Variants in PATJ observed in about 807,000 individuals in gnomAD.
PATJ encodes PATJ crumbs cell polarity complex component, also known as inaD-like protein.
Under a neutral mutation model 224.9 loss-of-function variants are expected in PATJ, and 190 were observed. The ratio of observed to expected loss-of-function variants is 0.84; its 90% CI spans 0.75 to 0.95. The LOEUF is 0.95. Among genes scored for constraint, PATJ ranks in the 40% least tolerant of loss-of-function variants. The pLI is 0.00. For missense variants in PATJ, 2,121 were observed against 2,270.3 expected, an observed-to-expected ratio of 0.93 and a Z score of 1.34; for synonymous variants, 769 against 820.3, an observed-to-expected ratio of 0.94 and a Z score of 1.07.
At chr1:62,134,958 A>G (rs773732327) in intron 41 of PATJ, among the ~76,000 whole-genome samples, 4 of 151,504 alleles carry the variant, frequency 2.6e-5, no homozygotes, top group Non-Finnish European at 4.4e-5. Context: ...GGAAATGGAA[A>G]AGGTGTGTCA....
intron 25 of PATJ, 23 bp downstream of exon 25, chr1:61,908,505 A>C: frequency 6.7e-7 from 1 of 1,501,426 alleles, no homozygotes; most frequent in East Asian, 2.3e-5. Context: ...TCATATTTTC[A>C]AAAAGTTTAA....
intron 3 of PATJ, among the ~76,000 whole-genome samples, chr1:61,765,622 T>C (rs1246851128): frequency 2.6e-5 from 4 of 152,186 alleles, no homozygotes; most frequent in Non-Finnish European, 4.4e-5. Flanking sequence ...TATTCTACTG[T>C]TTTGGCAGTT....
At chr1:61,974,516 C>A (rs554100900) in intron 27 of PATJ, among the ~76,000 whole-genome samples, 1 of 147,866 alleles carries the variant, frequency 6.8e-6, no homozygotes, top group South Asian at 2.1e-4. Context: ...CAGGTTCAAG[C>A]GATTCTCCTG....
chr1:61,811,935 C>T (rs921546160), intron 14 of PATJ, among the ~76,000 whole-genome samples: 2 of 151,566 alleles, frequency 1.3e-5, no homozygotes, highest in East Asian at 3.9e-4. Context: ...GTGGCGGGCG[C>T]CTGTAGTCCC....
intron 27 of PATJ, among the ~76,000 whole-genome samples, chr1:61,974,969 G>C (rs1488833661): frequency 6.6e-6 from 1 of 151,916 alleles, no homozygotes; most frequent in African/African-American, 2.4e-5. Flanking sequence ...GTTTTTGACA[G>C]AGTTTCATTC....
At chr1:61,759,317 T>C (rs1645828308) in intron 1 of PATJ, among the ~76,000 whole-genome samples, 1 of 152,120 alleles carries the variant, frequency 6.6e-6, no homozygotes, top group Admixed American at 6.5e-5. Flanking sequence ...TGGACACCCC[T>C]GTGGCTGAAG....
At position 61,823,047 on chromosome 1, in the gene PATJ, G is replaced by A; in HGVS notation, c.1786G>A (p.Gly596Ser). Residue 596 changes from glycine (G) to serine (S), a missense_variant, in exon 15 of 44, where the codon GGT becomes AGT. Coordinates refer to ENST00000642238, the MANE Select transcript of PATJ (RefSeq NM_001350145.3). ...TTCTGGTGGTCCTGTTGATACATTG[G>A]GTCTCCTACAGCCAGAAGATGAGCT... ...IVSGGPVDTL[G>S]LLQPEDELLE... 6.2e-7 allele frequency: 1 copy of A among 1,614,002 alleles called. No individual in the cohort carries two copies. Among genetic ancestry groups the A allele is most frequent in the Non-Finnish European group, 8.5e-7 (1 of 1,179,968 alleles).
intron 33 of PATJ, among the ~76,000 whole-genome samples, chr1:62,105,796 C>T (rs995312883): frequency 5.3e-5 from 8 of 151,840 alleles, no homozygotes; most frequent in Middle Eastern, 6.8e-3. Flanking sequence ...AATGAAAGTA[C>T]GGTATTTAGC....
At chr1:61,977,822 A>C (rs1199988241) in intron 27 of PATJ, among the ~76,000 whole-genome samples, 1 of 151,398 alleles carries the variant, frequency 6.6e-6, no homozygotes, top group African/African-American at 2.4e-5. Flanking sequence ...GAGGCTTAGT[A>C]CACTATGATG....
chr1:62,134,387 C>G (rs1057460652), intron 41 of PATJ, among the ~76,000 whole-genome samples: 5 of 145,460 alleles, frequency 3.4e-5, no homozygotes, highest in African/African-American at 1.3e-4. Flanking sequence ...CTCTTGTTGC[C>G]CAGGCTGGAG....
At chr1:62,126,440 A>T (rs565096446) in intron 39 of PATJ, among the ~76,000 whole-genome samples, 1 of 152,176 alleles carries the variant, frequency 6.6e-6, no homozygotes, top group Non-Finnish European at 1.5e-5. Context: ...TTGACTAGAC[A>T]TCTTGATTGT....
At chr1:61,908,519 C>A (rs746653924) in intron 25 of PATJ, 37 bp downstream of exon 25, 1 of 1,302,518 alleles carries the variant, frequency 7.7e-7, no homozygotes, top group South Asian at 1.2e-5. Flanking sequence ...AGTTTAACAA[C>A]ACTCTGTATA....
chr1:62,149,147 A>G (rs1202705991), intron 42 of PATJ, among the ~76,000 whole-genome samples: 1 of 144,786 alleles, frequency 6.9e-6, no homozygotes, highest in Non-Finnish European at 1.5e-5. Flanking sequence ...AAAAAAAAAA[A>G]GAGGAGTAAT....
chr1:61,865,656 T>C (rs1411881325), intron 20 of PATJ: 1 of 152,240 alleles, frequency 6.6e-6, no homozygotes, highest in Non-Finnish European at 1.5e-5. Flanking sequence ...TTAAGGACTT[T>C]AAAAAATATT....
chr1:61,752,311 C>CTTTTTTTTTTTTTTTTT (rs370759266), intron 1 of PATJ, among the ~76,000 whole-genome samples: 1 of 124,016 alleles, frequency 8.1e-6, no homozygotes, highest in Non-Finnish European at 1.6e-5. Flanking sequence ...TCATTTCTTT[C>CTTTTTTTTTTTTTTTTT]TTTTTTTTTT....
At chr1:62,000,827 G>C (rs1358595184) in intron 28 of PATJ, among the ~76,000 whole-genome samples, 6 of 151,190 alleles carry the variant, frequency 4.0e-5, no homozygotes, top group Non-Finnish European at 8.8e-5. Context: ...GTGTAAAAGT[G>C]TTCCTATTTC....
chr1:62,124,523 G>T (rs1005829569), intron 39 of PATJ, among the ~76,000 whole-genome samples: 16 of 152,210 alleles, frequency 1.1e-4, no homozygotes, highest in African/African-American at 3.6e-4. Context: ...TGATACCTCT[G>T]TTTGAAGGCA....
In PATJ at chr1:62,086,979, C is replaced by G. The variant is rs1031707573; in HGVS notation, c.4377+2331C>G. ...CCTCCGTCGTCCGTGGACAGCGGTA[C>G]GTTATCAGCTCAGTGGGCCCCTTGC... On this transcript the variant is annotated intron_variant, in intron 33 of 43. Transcript: ENST00000642238. This position sits in a 1 kb window ranked among gnomAD's most constrained non-coding sequence, Gnocchi z 4.0. 3.3e-5 allele frequency among the ~76,000 whole-genome samples: 5 copies of G among 152,092 alleles called. No homozygotes were observed. The highest frequency in any genetic ancestry group is 1.2e-4 in the African/African-American group (5 of 41,428).
chr1:62,045,984 T>C lies in PATJ; in HGVS notation c.4033-4982T>C, dbSNP rs1056540163. 3.9e-5 allele frequency among the ~76,000 whole-genome samples: 6 copies of C among 152,036 alleles called. No homozygotes were observed. The South Asian group carries it at 1.2e-3, about 32-fold the overall frequency. ...GGGAGGCTAGGACCGAAGGAGTGCT[T>C]GAGCTCAGGAATTCAAGACCAGCCA... On this transcript the variant is annotated intron_variant, in intron 30 of 43. Coordinates refer to ENST00000642238, the MANE Select transcript of PATJ (RefSeq NM_001350145.3).
Sources: gnomAD v4.1 joint callset for allele counts (sites outside exome capture counted in the v4.1 genomes callset) on GRCh38, gnomAD v4.1.1 for gene constraint, Gnocchi (gnomAD v3.1) non-coding constraint, MANE v1.5 for transcripts, NCBI Gene and HGNC (gene_info 2026-07-23, HGNC 2026-07-21) for gene names.